ASH1L: variants seen among roughly 807,000 people sequenced by gnomAD.
The protein encoded by ASH1L is ASH1 like histone lysine methyltransferase.
In ASH1L, 23 loss-of-function variants were observed where a neutral mutation model predicts 269.0. That is an observed-to-expected ratio of 0.09 (90% confidence interval 0.06 to 0.12). The LOEUF is 0.12. Among genes scored for constraint, ASH1L ranks in the 10% least tolerant of loss-of-function variants. The probability of loss-of-function intolerance (pLI) is 1.00; values close to 1 mark genes in which losing one functional copy is unlikely to be tolerated. For missense variants in ASH1L, 2,912 were observed against 3,567.8 expected, an observed-to-expected ratio of 0.82 and a Z score of 4.68; for synonymous variants, 1,187 against 1,253.5, an observed-to-expected ratio of 0.95 and a Z score of 1.12.
In ASH1L at chr1:155,342,117, A is replaced by G; in HGVS notation, c.8294-15T>C. On this transcript the variant is annotated splice_polypyrimidine_tract_variant and intron_variant, in intron 24 of 27. Transcript: ENST00000392403. The stretch of plus-strand genomic sequence containing the variant: ...TTTGGGTCTCCCTATGGGTCCAACC[A>G]GTGTTAAGGAATCCTATTTAGCCAT... 3 of 1,611,012 alleles carry G rather than the reference A, an allele frequency of 1.9e-6. No individual in the cohort carries two copies. Among genetic ancestry groups the G allele is most frequent in the Non-Finnish European group, 2.5e-6 (3 of 1,177,332 alleles).
In ASH1L at chr1:155,335,764, TTTTC is replaced by T. The variant is rs1470611824; in HGVS notation, c.*1892_*1895del. The T allele has an allele frequency of 6.6e-6, 1 of 152,638 alleles. No individual in the cohort carries two copies. Among genetic ancestry groups the T allele is most frequent in the Admixed American group, 6.5e-5 (1 of 15,270 alleles). The allele number at this position is 152,638 out of a possible 1,614,324, so 9.5% of individuals were successfully genotyped here. ...TGTTCTCGCATTTTACAAAGTTTTT[TTTTC>T]TTTTTCATCTTTTTTAAAATTTTAG... is the stretch of plus-strand genomic sequence containing the variant. On this transcript the variant is annotated 3_prime_UTR_variant, in exon 28 of 28. Transcript: ENST00000392403.
intron 5 of ASH1L, among the ~76,000 whole-genome samples, chr1:155,426,545 G>A (rs1661173094): frequency 6.6e-6 from 1 of 152,034 alleles, no homozygotes; most frequent in Non-Finnish European, 1.5e-5. Context: ...TCACCATGTT[G>A]GCCAGGATAG....
rs745568387 is a variant in ASH1L at position 155,481,488 on chromosome 1, G to A, written c.1382C>T (p.Thr461Ile). The A allele has an allele frequency of 6.8e-6, 11 of 1,613,886 alleles. No homozygotes were observed. Among genetic ancestry groups the A allele is most frequent in the Non-Finnish European group, 8.5e-6 (10 of 1,179,988 alleles). The change falls in exon 3 of 28, where the codon ACC becomes ATC. Residue 461 changes from threonine (T) to isoleucine (I), a missense_variant. Thr to Ile is a moderately conservative substitution (Grantham distance 89). Coordinates refer to ENST00000392403, the MANE Select transcript of ASH1L (RefSeq NM_018489.3). Reference protein sequence around the residue: ...ELSESLKDSATSKTFEKNVVR... With the variant: ...ELSESLKDSAISKTFEKNVVR... ...AACATTCTTTTCAAAAGTTTTGCTGGTGGCACTATCTTTCAGGGATTCAGA... is the reference window on the plus strand; with the variant it reads ...AACATTCTTTTCAAAAGTTTTGCTGATGGCACTATCTTTCAGGGATTCAGA...
chr1:155,534,180 G>GAA (rs1011328835), intron 1 of ASH1L, among the ~76,000 whole-genome samples: 1 of 110,606 alleles, frequency 9.0e-6, no homozygotes. Flanking sequence ...TCTCAAAAAA[G>GAA]AAAAAAAAAA....
intron 1 of ASH1L, among the ~76,000 whole-genome samples, chr1:155,522,199 G>C (rs553932684): frequency 6.6e-6 from 1 of 152,110 alleles, no homozygotes; most frequent in South Asian, 2.1e-4. Context: ...GAGATTATCA[G>C]GCTTTTTGAG....
intron 17 of ASH1L, among the ~76,000 whole-genome samples, chr1:155,349,860 G>A (rs1458225733): frequency 1.3e-5 from 2 of 149,920 alleles, no homozygotes; most frequent in Non-Finnish European, 3.0e-5. Context: ...TGGGACTACA[G>A]GCGTGTACCA....
In ASH1L at chr1:155,562,589, C is replaced by G; in HGVS notation, c.-536G>C. 2 of 1,528,836 alleles carry G rather than the reference C, an allele frequency of 1.3e-6. No individual in the cohort carries two copies. Among genetic ancestry groups the G allele is most frequent in the Non-Finnish European group, 1.8e-6 (2 of 1,141,704 alleles). 94.7% of individuals were successfully genotyped at this position (1,528,836 alleles called of 1,614,324 possible). On this transcript the variant is annotated 5_prime_UTR_variant, in exon 1 of 28. Transcript: ENST00000392403. ...GCTCCGCCCGACTCCGTCCGCGTAG[C>G]GCGCACGCCCGCCCGCACGCGTACG...
At position 155,343,872 on chromosome 1, in the gene ASH1L, A is replaced by G. The variant is rs755245965; in HGVS notation, c.7982-130T>C. The G allele has an allele frequency of 5.6e-6, 6 of 1,080,276 alleles. No individual in the cohort carries two copies. The highest frequency in any genetic ancestry group is 7.9e-6 in the Non-Finnish European group (6 of 761,586). 66.9% of individuals were successfully genotyped at this position (1,080,276 alleles called of 1,614,324 possible). A position where few individuals can be genotyped will look rare whatever the true frequency, so the allele number is the denominator to read the frequency against. ...AACAGTATAAATACAGAGAGCTAAA[A>G]GCAGCAGTGTTAAGTGATGATAATC... On this transcript the variant is annotated intron_variant, in intron 22 of 27. Transcript: ENST00000392403. The surrounding 1 kb of genome is among the most constrained non-coding windows in gnomAD (Gnocchi z 6.1).
At chr1:155,473,304 A>G (rs1215791044) in intron 3 of ASH1L, among the ~76,000 whole-genome samples, 1 of 152,088 alleles carries the variant, frequency 6.6e-6, no homozygotes, top group Non-Finnish European at 1.5e-5. Flanking sequence ...GCTTCTCTCA[A>G]TGTTTGTACA....
intron 6 of ASH1L, among the ~76,000 whole-genome samples, chr1:155,404,513 C>A (rs1488674920): frequency 1.3e-5 from 2 of 151,838 alleles, no homozygotes; most frequent in Non-Finnish European, 2.9e-5. Context: ...ATTGTCTCTA[C>A]AAAAAATAAA....
upstream of ASH1L, chr1:155,562,977 G>T (rs1183247228): frequency 2.2e-6 from 1 of 457,602 alleles, no homozygotes; most frequent in Non-Finnish European, 4.4e-6. Context: ...CCTGTCGGCT[G>T]CAGGGGCAGG....
rs1465117744 is a variant in ASH1L, at chr1:155,523,884, A to G, written c.-99-2266T>C. ...AGAAAAAAAAAGGTGCCAATAATTT[A>G]GTAGTAGTAGGAGCAGCAGCAGTGT... On this transcript the variant is annotated intron_variant, in intron 1 of 27. Coordinates refer to ENST00000392403, the MANE Select transcript of ASH1L (RefSeq NM_018489.3). Among the ~76,000 whole-genome samples, 4 of 152,282 alleles carry G rather than the reference A, an allele frequency of 2.6e-5. No individual in the cohort carries two copies. The South Asian group carries it at 6.2e-4, about 24-fold the overall frequency.
intron 3 of ASH1L, among the ~76,000 whole-genome samples, chr1:155,473,733 T>C (rs1374254539): frequency 6.6e-6 from 1 of 152,154 alleles, no homozygotes; most frequent in Non-Finnish European, 1.5e-5. Context: ...ACTCCTAGGC[T>C]CAAGTGATAC....
chr1:155,558,463 C>G (rs1414775464), intron 1 of ASH1L, among the ~76,000 whole-genome samples: 1 of 151,852 alleles, frequency 6.6e-6, no homozygotes, highest in Non-Finnish European at 1.5e-5. Flanking sequence ...AAGAGCGAAA[C>G]TCTCTCTCAA....
intron 5 of ASH1L, among the ~76,000 whole-genome samples, chr1:155,437,764 T>A (rs1662218578): frequency 6.6e-6 from 1 of 152,202 alleles, no homozygotes; most frequent in Admixed American, 6.6e-5. Flanking sequence ...TACATCTCTA[T>A]ATTGGATAAA....
At chr1:155,345,621 C>T (rs1653233246) in intron 21 of ASH1L, among the ~76,000 whole-genome samples, 1 of 139,982 alleles carries the variant, frequency 7.1e-6, no homozygotes, top group Non-Finnish European at 1.5e-5. Context: ...GTTGCCCAGG[C>T]TAGAATGCAG....
At chr1:155,522,942 T>C (rs563513910) in intron 1 of ASH1L, among the ~76,000 whole-genome samples, 15 of 152,174 alleles carry the variant, frequency 9.9e-5, no homozygotes, top group Admixed American at 7.9e-4. Flanking sequence ...CCGCCTGCCT[T>C]AGCCTCCCAA....
At chr1:155,368,469 T>G (rs1172360465) in intron 12 of ASH1L, among the ~76,000 whole-genome samples, 1 of 152,072 alleles carries the variant, frequency 6.6e-6, no homozygotes, top group Non-Finnish European at 1.5e-5. Flanking sequence ...TCTTCTTTTT[T>G]TTTTTTGAGA....
At chr1:155,466,162 G>T (rs1664682764) in intron 3 of ASH1L, among the ~76,000 whole-genome samples, 1 of 152,076 alleles carries the variant, frequency 6.6e-6, no homozygotes, top group Non-Finnish European at 1.5e-5. Flanking sequence ...AGACCATCTT[G>T]GCTAACACGG....
Sources: gnomAD v4.1 joint callset for allele counts (sites outside exome capture counted in the v4.1 genomes callset) on GRCh38, gnomAD v4.1.1 for gene constraint, Gnocchi (gnomAD v3.1) non-coding constraint, MANE v1.5 for transcripts, NCBI Gene and HGNC (gene_info 2026-07-23, HGNC 2026-07-21) for gene names.